The following CRIM1 variants were observed in gnomAD, a reference collection of about 807,000 sequenced individuals.
The protein encoded by CRIM1 is cysteine-rich motor neuron 1 protein.
CRIM1 carries 32 observed loss-of-function variants against 116.4 expected under a neutral mutation model. That is an observed-to-expected ratio of 0.27 (90% CI 0.21 to 0.37). The LOEUF is 0.37. CRIM1 is among the 10% of genes least tolerant of loss of function. The probability of loss-of-function intolerance (pLI) is 1.00; values close to 1 mark genes in which losing one functional copy is unlikely to be tolerated. For missense variants in CRIM1, 1,331 were observed against 1,354.8 expected, an observed-to-expected ratio of 0.98 and a Z score of 0.28; for synonymous variants, 590 against 509.2, an observed-to-expected ratio of 1.16 and a Z score of -2.13.
chr2:36,411,160 A>G (rs1014336988), intron 2 of CRIM1, among the ~76,000 whole-genome samples: 4 of 152,220 alleles, frequency 2.6e-5, no homozygotes, highest in Non-Finnish European at 1.5e-5. Context: ...GCTAATTACA[A>G]TAGGACCTTC....
chr2:36,459,223 G>C (rs1029724018), intron 4 of CRIM1, among the ~76,000 whole-genome samples: 4 of 152,174 alleles, frequency 2.6e-5, no homozygotes, highest in Non-Finnish European at 5.9e-5. Context: ...TATATGGGCA[G>C]ATTCTGGAGC....
At chr2:36,485,956 A>G (rs985260139) in intron 7 of CRIM1, among the ~76,000 whole-genome samples, 5 of 152,222 alleles carry the variant, frequency 3.3e-5, no homozygotes, top group Admixed American at 6.5e-5. Flanking sequence ...GCTTGTCCAA[A>G]TAAGGTCATA....
chr2:36,416,869 T>G (rs1483325212), intron 2 of CRIM1, among the ~76,000 whole-genome samples: 3 of 152,216 alleles, frequency 2.0e-5, no homozygotes, highest in East Asian at 3.9e-4. Context: ...ACAGCCTCTT[T>G]CCTGAGCCCA....
chr2:36,432,665 T>C (rs2124906430), intron 2 of CRIM1, among the ~76,000 whole-genome samples: 1 of 152,188 alleles, frequency 6.6e-6, no homozygotes, highest in East Asian at 1.9e-4. Context: ...GAACACTAGT[T>C]GGATCCGATT....
At chr2:36,546,857 C>A in intron 15 of CRIM1, 127 bp from the exon 16 acceptor site, 1 of 408,034 alleles carries the variant, frequency 2.5e-6, no homozygotes, top group Non-Finnish European at 4.5e-6. Flanking sequence ...ATTTTAATCA[C>A]ATTTTTAGCC....
intron 12 of CRIM1, among the ~76,000 whole-genome samples, chr2:36,518,600 A>G (rs1054644899): frequency 6.6e-6 from 1 of 152,208 alleles, no homozygotes; most frequent in Non-Finnish European, 1.5e-5. Flanking sequence ...CGGCAGCCCA[A>G]GTATTACCAT....
At chr2:36,488,913 C>A (rs954670850) in intron 7 of CRIM1, among the ~76,000 whole-genome samples, 1 of 152,138 alleles carries the variant, frequency 6.6e-6, no homozygotes, top group South Asian at 2.1e-4. Context: ...TTCACATTGG[C>A]TGCCGGAGCA....
At chr2:36,367,811 T>G (rs1209283755) in intron 1 of CRIM1, among the ~76,000 whole-genome samples, 1 of 152,200 alleles carries the variant, frequency 6.6e-6, no homozygotes, top group Non-Finnish European at 1.5e-5. Context: ...ATGCCTGAAG[T>G]CTTTTAAATC....
At chr2:36,483,273 A>T (rs1679559068) in intron 7 of CRIM1, among the ~76,000 whole-genome samples, 1 of 152,208 alleles carries the variant, frequency 6.6e-6, no homozygotes, top group Admixed American at 6.5e-5. Context: ...TACATAGACG[A>T]CACAGCCTTA....
At chr2:36,513,323 G>T (rs1022170206) in intron 10 of CRIM1, 4 of 511,166 alleles carry the variant, frequency 7.8e-6, no homozygotes, top group African/African-American at 5.7e-5. Flanking sequence ...AAAAATCAGC[G>T]ATCATCCCAC....
intron 2 of CRIM1, among the ~76,000 whole-genome samples, chr2:36,405,595 T>G (rs1672721823): frequency 6.6e-6 from 1 of 152,240 alleles, no homozygotes; most frequent in Non-Finnish European, 1.5e-5. Flanking sequence ...GCTGCCCATT[T>G]TCACCACAGT....
Position 36,525,315 on chromosome 2 carries a change from G to A in CRIM1, c.2428+3002G>A, listed in dbSNP as rs570818820. ...AAGTCAAGTTCATGACTATGATATAGGGATTTCCTGTCTGACTCTCCGGTT... is the reference window on the plus strand; with the variant it reads ...AAGTCAAGTTCATGACTATGATATAAGGATTTCCTGTCTGACTCTCCGGTT... On this transcript the variant is annotated intron_variant, in intron 13 of 16. Coordinates refer to ENST00000280527, the MANE Select transcript of CRIM1 (RefSeq NM_016441.3). Among the ~76,000 whole-genome samples the A allele has an allele frequency of 4.6e-5, 7 of 152,280 alleles. No homozygotes were observed. In the South Asian group the frequency reaches 1.2e-3, roughly 27 times the overall value.
intron 5 of CRIM1, among the ~76,000 whole-genome samples, chr2:36,469,411 A>T (rs1678313071): frequency 6.6e-6 from 1 of 152,218 alleles, no homozygotes; most frequent in African/African-American, 2.4e-5. Context: ...CAGCACTAAC[A>T]GTGAGGAGCC....
intron 2 of CRIM1, among the ~76,000 whole-genome samples, chr2:36,435,615 T>C (rs923903164): frequency 6.6e-6 from 1 of 151,838 alleles, no homozygotes; most frequent in Non-Finnish European, 1.5e-5. Context: ...GGTGCAAAAG[T>C]AATCGCAGTT....
intron 2 of CRIM1, among the ~76,000 whole-genome samples, chr2:36,422,379 G>A (rs1228927156): frequency 6.6e-6 from 1 of 152,072 alleles, no homozygotes; most frequent in Non-Finnish European, 1.5e-5. Context: ...GTTAATAAAA[G>A]GTGGCAGGGT....
chr2:36,540,052 A>T (rs1666841050), intron 14 of CRIM1, among the ~76,000 whole-genome samples: 1 of 152,146 alleles, frequency 6.6e-6, no homozygotes, highest in Non-Finnish European at 1.5e-5. Flanking sequence ...GGGCCTAGCA[A>T]AAGAAATAGA....
chr2:36,549,380 T>TTTTA lies in CRIM1; in HGVS notation c.*683_*686dup, dbSNP rs1572987227. 1 of 152,616 alleles carries TTTTA rather than the reference T, an allele frequency of 6.6e-6. No homozygotes were observed. The highest frequency in any genetic ancestry group is 1.9e-4 in the East Asian group (1 of 5,186). 9.5% of individuals were successfully genotyped at this position (152,616 alleles called of 1,614,324 possible). A position where few individuals can be genotyped will look rare whatever the true frequency, so the allele number is the denominator to read the frequency against. Reference sequence around the variant, plus strand: ...TATATACAGTTACACTTTTTGCTGCTTTTATTTTCTTCCAAGCCAATCAAT... The same window carrying TTTTA: ...TATATACAGTTACACTTTTTGCTGCTTTTATTTATTTTCTTCCAAGCCAATCAAT... On this transcript the variant is annotated 3_prime_UTR_variant, in exon 17 of 17. Transcript: ENST00000280527.
In CRIM1 at chr2:36,441,378, G is replaced by A. The variant is rs760148534; in HGVS notation, c.626G>A (p.Arg209His). 8 of 1,614,034 alleles carry A rather than the reference G, an allele frequency of 5.0e-6. No individual in the cohort carries two copies. Among genetic ancestry groups the A allele is most frequent in the East Asian group, 4.5e-5 (2 of 44,886 alleles). The change falls in exon 3 of 17, where the codon CGC (arginine) becomes CAC (histidine). Residue 209 changes from arginine (R) to histidine (H), a missense_variant. Transcript: ENST00000280527. ...GGGGAGTGCTGTCCCTTACCCAGCC[G>A]CTGCGTGTGCAACCCCGCAGGCTGT... ...PPGECCPLPSRCVCNPAGCLR... is the reference protein window; with the variant it reads ...PPGECCPLPSHCVCNPAGCLR...
chr2:36,475,873 A>T (rs1461878089), intron 5 of CRIM1, among the ~76,000 whole-genome samples: 1 of 152,206 alleles, frequency 6.6e-6, no homozygotes, highest in African/African-American at 2.4e-5. Context: ...GACATATCGT[A>T]TTAACATTAA....
Sources: allele counts gnomAD v4.1 joint callset (sites outside exome capture counted in the v4.1 genomes callset), GRCh38; gene constraint gnomAD v4.1.1; transcripts MANE v1.5; gene names NCBI Gene and HGNC (gene_info 2026-07-23, HGNC 2026-07-21).